The following DLGAP2 variants were observed in gnomAD, a reference collection of about 807,000 sequenced individuals.
DLGAP2 encodes DLG associated protein 2.
Under a neutral mutation model 100.3 loss-of-function variants are expected in DLGAP2, and 26 were observed. The observed-to-expected ratio is 0.26, with a 90% CI of 0.19 to 0.36. The LOEUF is 0.36. DLGAP2 is among the 10% of genes least tolerant of loss of function. The pLI is 1.00. For synonymous variants in DLGAP2, 886 were observed against 630.1 expected, an observed-to-expected ratio of 1.41 and a Z score of -6.08; for missense variants, 1,858 against 1,453.2, an observed-to-expected ratio of 1.28 and a Z score of -4.53.
chr8:1,599,238 T>G (rs1040700987), intron 6 of DLGAP2, among the ~76,000 whole-genome samples: 10 of 151,840 alleles, frequency 6.6e-5, no homozygotes, highest in African/African-American at 1.9e-4. Flanking sequence ...GAGACTGTTA[T>G]GATTTCCATC....
At chr8:1,067,639 G>GTT (rs1803298658) in intron 2 of DLGAP2, among the ~76,000 whole-genome samples, 1 of 151,712 alleles carries the variant, frequency 6.6e-6, no homozygotes, top group African/African-American at 2.4e-5. Context: ...GTGTGTGTGT[G>GTT]TGTGTGTGAC....
chr8:1,480,061 C>T (rs557645895), intron 3 of DLGAP2, among the ~76,000 whole-genome samples: 2 of 152,290 alleles, frequency 1.3e-5, no homozygotes, highest in South Asian at 2.1e-4. Context: ...GAGAGAGGCA[C>T]GGATGCCAAG....
At chr8:1,311,277 AATG>A (rs1800608267) in intron 3 of DLGAP2, among the ~76,000 whole-genome samples, 1 of 152,250 alleles carries the variant, frequency 6.6e-6, no homozygotes, top group South Asian at 2.1e-4. Context: ...TCGAATCTAT[AATG>A]ATAAAAAAAT....
chr8:1,197,784 T>A (rs187423064), intron 2 of DLGAP2, among the ~76,000 whole-genome samples: 1 of 152,376 alleles, frequency 6.6e-6, no homozygotes, highest in Non-Finnish European at 1.5e-5. Context: ...GATGTCCACA[T>A]GAACCGCACT....
At chr8:1,690,929 G>C (rs1799243982) in intron 12 of DLGAP2, among the ~76,000 whole-genome samples, 1 of 152,038 alleles carries the variant, frequency 6.6e-6, no homozygotes, top group Admixed American at 6.5e-5. Flanking sequence ...ACCATCTCCA[G>C]GAGGGAAGCC....
intron 1 of DLGAP2, among the ~76,000 whole-genome samples, chr8:837,578 C>G (rs987587866): frequency 6.6e-6 from 1 of 152,012 alleles, no homozygotes; most frequent in East Asian, 1.9e-4. Flanking sequence ...AGGCCGTGCT[C>G]AGGCCGCAGG....
intron 1 of DLGAP2, among the ~76,000 whole-genome samples, chr8:743,999 C>T (rs1820551224): frequency 6.6e-6 from 1 of 152,252 alleles, no homozygotes; most frequent in African/African-American, 2.4e-5. Context: ...TCTCAAGTTT[C>T]ACGTGCCTTC....
At chr8:1,345,900 C>T (rs1287635762) in intron 3 of DLGAP2, among the ~76,000 whole-genome samples, 3 of 152,148 alleles carry the variant, frequency 2.0e-5, no homozygotes, top group African/African-American at 4.8e-5. Flanking sequence ...GAAGCAAACT[C>T]GGGGACGTGA....
At chr8:1,467,352 T>A (rs151023378) in intron 3 of DLGAP2, among the ~76,000 whole-genome samples, 1,605 of 151,566 alleles carry the variant, frequency 0.011, 30 homozygotes, top group South Asian at 0.079. Context: ...GTGACTGTAC[T>A]TCCCATTCAC....
chr8:1,311,321 A>T (rs73170447), intron 3 of DLGAP2, among the ~76,000 whole-genome samples: 2,953 of 152,360 alleles, frequency 0.019, 27 homozygotes, highest in Middle Eastern at 0.034. Context: ...CCAGAATCAG[A>T]TACGTTCACT....
intron 2 of DLGAP2, among the ~76,000 whole-genome samples, chr8:1,199,699 G>C (rs1266881460): frequency 6.6e-6 from 1 of 152,152 alleles, no homozygotes; most frequent in East Asian, 1.9e-4. Flanking sequence ...ATGGGTATTT[G>C]CACTCGGTGG....
intron 3 of DLGAP2, among the ~76,000 whole-genome samples, chr8:1,341,813 C>T (rs1393507619): frequency 1.3e-5 from 2 of 152,176 alleles, no homozygotes; most frequent in Non-Finnish European, 2.9e-5. Context: ...CATCTGCAGG[C>T]CCTGGCACAT....
intron 1 of DLGAP2, among the ~76,000 whole-genome samples, chr8:902,167 G>C (rs889201451): frequency 6.6e-6 from 1 of 152,234 alleles, no homozygotes; most frequent in Non-Finnish European, 1.5e-5. Context: ...CCCAGGCACA[G>C]ATCCAAGCCC....
At chr8:1,554,974 G>C (rs1801909620) in intron 5 of DLGAP2, among the ~76,000 whole-genome samples, 1 of 152,198 alleles carries the variant, frequency 6.6e-6, no homozygotes, top group African/African-American at 2.4e-5. Context: ...AGCGATACCA[G>C]TGCTCAGCAG....
At chr8:1,117,396 A>G (rs557004614) in intron 2 of DLGAP2, among the ~76,000 whole-genome samples, 1 of 152,310 alleles carries the variant, frequency 6.6e-6, no homozygotes, top group South Asian at 2.1e-4. Flanking sequence ...AAAGGTTAGA[A>G]ATGTGTAGTG....
chr8:1,056,522 G>T (rs1392219079), intron 2 of DLGAP2, among the ~76,000 whole-genome samples: 2 of 152,120 alleles, frequency 1.3e-5, no homozygotes, highest in Non-Finnish European at 2.9e-5. Context: ...AACTATTAAA[G>T]AAAATTTTAT....
chr8:1,472,461 T>C (rs1336954097), intron 3 of DLGAP2, among the ~76,000 whole-genome samples: 1 of 152,214 alleles, frequency 6.6e-6, no homozygotes, highest in Non-Finnish European at 1.5e-5. Flanking sequence ...ATTTCCAGAA[T>C]TGCTTCCACT....
intron 1 of DLGAP2, among the ~76,000 whole-genome samples, chr8:763,555 A>G (rs1182836400): frequency 6.6e-6 from 1 of 152,220 alleles, no homozygotes; most frequent in Non-Finnish European, 1.5e-5. Context: ...TCTGTTGAGA[A>G]TAAGAGAGTT....
chr8:1,585,341 G>T lies in DLGAP2; in HGVS notation c.1442+19447G>T, dbSNP rs28758512. The stretch of plus-strand genomic sequence containing the variant: ...TAGCCAGGCATTTTGGCCCGTGCCT[G>T]TAATCCCAGGTACCCAGGTGGCCGA... On this transcript the variant is annotated intron_variant, in intron 6 of 14. Transcript: ENST00000637795. Among the ~76,000 whole-genome samples, 4 of 151,752 alleles carry T rather than the reference G, an allele frequency of 2.6e-5. No homozygotes were observed. The East Asian group carries it at 7.8e-4, about 29-fold the overall frequency.
Sources: gnomAD v4.1 joint callset for allele counts (sites outside exome capture counted in the v4.1 genomes callset) on GRCh38, gnomAD v4.1.1 for gene constraint, MANE v1.5 for transcripts, NCBI Gene and HGNC (gene_info 2026-07-23, HGNC 2026-07-21) for gene names.